Variants in DNAJB12 observed in about 807,000 individuals in gnomAD.
DNAJB12 encodes dnaJ homolog subfamily B member 12.
DNAJB12 carries 14 observed loss-of-function variants against 40.6 expected under a neutral mutation model. The ratio of observed to expected loss-of-function variants is 0.34; its 90% CI spans 0.23 to 0.54. The LOEUF (loss-of-function observed/expected upper bound fraction) is 0.54. DNAJB12 is among the 20% of genes least tolerant of loss of function. DNAJB12 has a pLI of 0.92. For missense variants in DNAJB12, 444 were observed against 501.7 expected, an observed-to-expected ratio of 0.89 and a Z score of 1.10; for synonymous variants, 181 against 199.5, an observed-to-expected ratio of 0.91 and a Z score of 0.78.
At chr10:72,345,172 C>T (rs1310284498) in intron 1 of DNAJB12, 45 bp from the exon 2 acceptor site, 3 of 1,553,172 alleles carry the variant, frequency 1.9e-6, no homozygotes, top group African/African-American at 2.7e-5. Context: ...CTCAAGCAGG[C>T]TGCGTGCCTC....
At chr10:72,346,308 C>T (rs1861785543) in intron 1 of DNAJB12, among the ~76,000 whole-genome samples, 1 of 151,338 alleles carries the variant, frequency 6.6e-6, no homozygotes, top group Non-Finnish European at 1.5e-5. Flanking sequence ...GTACTACAGG[C>T]ACGTGCCACC....
chr10:72,344,152 A>G (rs748929600), intron 2 of DNAJB12, among the ~76,000 whole-genome samples: 2 of 152,050 alleles, frequency 1.3e-5, no homozygotes, highest in Admixed American at 1.3e-4. Flanking sequence ...CTCTTTCACC[A>G]ATTCTTCCTC....
At chr10:72,341,288 C>T (rs1861633451) in intron 3 of DNAJB12, 118 bp from the exon 4 acceptor site, 1 of 989,652 alleles carries the variant, frequency 1.0e-6, no homozygotes, top group Admixed American at 2.6e-5. Flanking sequence ...AAGCAGACGT[C>T]CTTGGGGTGG....
intron 3 of DNAJB12, among the ~76,000 whole-genome samples, chr10:72,342,998 AAC>A (rs938594084): frequency 1.1e-4 from 17 of 152,322 alleles, no homozygotes; most frequent in African/African-American, 4.1e-4. Context: ...TCAGCAGGGA[AAC>A]AGTTACCCCA....
rs1313116607 is a variant in DNAJB12 at position 72,332,896 on chromosome 10, C to G, written c.*1752G>C. 1 of 151,982 alleles carries G rather than the reference C, an allele frequency of 6.6e-6. No individual in the cohort carries two copies. Among genetic ancestry groups the G allele is most frequent in the Non-Finnish European group, 1.5e-5 (1 of 67,976 alleles). The allele number at this position is 151,982 out of a possible 1,614,324, so 9.4% of individuals were successfully genotyped here. ...GAGAATTCTAATTCAAGAAATACAG[C>G]TTCCAGAGGATCCTTTAGGATCTAT... On this transcript the variant is annotated 3_prime_UTR_variant, in exon 9 of 9. Transcript: ENST00000444643.
In DNAJB12 at chr10:72,340,855, G is replaced by C; in HGVS notation, c.657C>G (p.Val219=). 4 of 1,614,126 alleles carry C rather than the reference G, an allele frequency of 2.5e-6. No individual in the cohort carries two copies. The highest frequency in any genetic ancestry group is 3.4e-6 in the Non-Finnish European group (4 of 1,179,994). Residue 219 remains valine (V), a synonymous_variant, in exon 5 of 9, where the codon GTC becomes GTG. Transcript: ENST00000444643. ...TATAGCGCATGCGGCCGTTGCTGTA[G>C]ACGTGGACGTTACCTGGGGGTCAGA... ...GGGFPSSNVH[V]YSNGRMRYTY...
At chr10:72,345,596 G>C (rs567702840) in intron 1 of DNAJB12, among the ~76,000 whole-genome samples, 2 of 149,952 alleles carry the variant, frequency 1.3e-5, no homozygotes, top group East Asian at 3.9e-4. Flanking sequence ...AAAAAATCCG[G>C]GCACAGTGGC....
chr10:72,337,502 C>T (rs143698528), intron 6 of DNAJB12, among the ~76,000 whole-genome samples: 1 of 152,374 alleles, frequency 6.6e-6, no homozygotes, highest in African/African-American at 2.4e-5. Context: ...GAAATGTCCT[C>T]AAGTTCACTC....
chr10:72,340,752 C>T (rs758893250), intron 5 of DNAJB12, 37 bp downstream of exon 5: 2 of 1,603,856 alleles, frequency 1.2e-6, no homozygotes, highest in Non-Finnish European at 1.7e-6. Context: ...GGATTTGGTG[C>T]CCTTCCCGCG....
At chr10:72,342,704 T>C (rs1159837736) in intron 3 of DNAJB12, among the ~76,000 whole-genome samples, 1 of 152,168 alleles carries the variant, frequency 6.6e-6, no homozygotes, top group Non-Finnish European at 1.5e-5. Flanking sequence ...ATGGTGGGAA[T>C]GAGAGAAGGC....
intron 1 of DNAJB12, chr10:72,354,479 G>C (rs1266316243): frequency 4.8e-6 from 2 of 415,418 alleles, no homozygotes; most frequent in East Asian, 8.0e-5. Flanking sequence ...AGTTCCCTTC[G>C]TCCCGGCTGC....
Position 72,335,146 on chromosome 10 carries a change from C to T in DNAJB12, c.*31-529G>A, listed in dbSNP as rs963806075. ...GTGGCTTCCAGGCTGCCAGGTGTGA[C>T]GGCATTCGAGAGAGTGCCTCAGATC... On this transcript the variant is annotated intron_variant, in intron 8 of 8. Coordinates refer to ENST00000444643, the MANE Select transcript of DNAJB12 (RefSeq NM_017626.7). This position sits in a 1 kb window ranked among gnomAD's most constrained non-coding sequence, Gnocchi z 4.4. The T allele has an allele frequency of 2.1e-5, 21 of 988,612 alleles. No homozygotes were observed. Among genetic ancestry groups the T allele is most frequent in the Middle Eastern group, 5.2e-4 (1 of 1,918 alleles). 61.2% of individuals were successfully genotyped at this position (988,612 alleles called of 1,614,324 possible). A position where few individuals can be genotyped will look rare whatever the true frequency, so the allele number is the denominator to read the frequency against.
intron 1 of DNAJB12, among the ~76,000 whole-genome samples, chr10:72,345,899 A>C (rs1861774537): frequency 6.6e-6 from 1 of 151,464 alleles, no homozygotes. Flanking sequence ...GTCTCAAAAA[A>C]AAAAAAAAAA....
At chr10:72,349,377 A>C (rs534484757) in intron 1 of DNAJB12, among the ~76,000 whole-genome samples, 1 of 152,238 alleles carries the variant, frequency 6.6e-6, no homozygotes, top group African/African-American at 2.4e-5. Flanking sequence ...AGGCTCAGGA[A>C]GGCAAAGACT....
rs1000821776 is a variant in DNAJB12 at position 72,335,996 on chromosome 10, C to T, written c.1007-65G>A. The T allele has an allele frequency of 2.9e-5, 47 of 1,594,538 alleles. No individual in the cohort carries two copies. The highest frequency in any genetic ancestry group is 2.2e-5 in the South Asian group (2 of 88,968). The stretch of plus-strand genomic sequence containing the variant: ...CTCCCGAAGCCTGCAAGGAAGCCTG[C>T]GAGGGCTGTGGAGGGCGGAGGAAAG... On this transcript the variant is annotated intron_variant, in intron 7 of 8. Coordinates refer to ENST00000444643, the MANE Select transcript of DNAJB12 (RefSeq NM_017626.7). This position sits in a 1 kb window ranked among gnomAD's most constrained non-coding sequence, Gnocchi z 4.4.
chr10:72,345,451 A>T (rs1418574811), intron 1 of DNAJB12, among the ~76,000 whole-genome samples: 1 of 151,746 alleles, frequency 6.6e-6, no homozygotes, highest in African/African-American at 2.4e-5. Context: ...AAAATTAAAA[A>T]ATTAGCCAGA....
intron 1 of DNAJB12, among the ~76,000 whole-genome samples, chr10:72,352,631 G>A (rs12098353): frequency 0.075 from 11,393 of 152,116 alleles, 876 homozygotes; most frequent in African/African-American, 0.2. Flanking sequence ...AGTCCTCAGC[G>A]TCTAACCTTG....
Position 72,340,954 on chromosome 10 carries a change from T to A in DNAJB12, c.643+31A>T, listed in dbSNP as rs751932092. 39 of 1,610,604 alleles carry A rather than the reference T, an allele frequency of 2.4e-5. No individual in the cohort carries two copies. In the Middle Eastern group the frequency reaches 4.9e-4, roughly 20 times the overall value. On this transcript the variant is annotated intron_variant, in intron 4 of 8. Coordinates refer to ENST00000444643, the MANE Select transcript of DNAJB12 (RefSeq NM_017626.7). ...GCCATTCCCACCATCACCCCAGGGATACCTGGCTGTGGGGAGGGTGGGGAA... is the reference window on the plus strand; with the variant it reads ...GCCATTCCCACCATCACCCCAGGGAAACCTGGCTGTGGGGAGGGTGGGGAA...
chr10:72,336,447 C>G, intron 7 of DNAJB12, 77 bp downstream of exon 7: 12 of 1,450,976 alleles, frequency 8.3e-6, no homozygotes, highest in Non-Finnish European at 1.0e-5. Flanking sequence ...GTGAGCAGGG[C>G]TCTCTCCTTC....
Sources: gnomAD v4.1 joint callset for allele counts (sites outside exome capture counted in the v4.1 genomes callset) on GRCh38, gnomAD v4.1.1 for gene constraint, Gnocchi (gnomAD v3.1) non-coding constraint, MANE v1.5 for transcripts, NCBI Gene and HGNC (gene_info 2026-07-23, HGNC 2026-07-21) for gene names.